The following CEMIP variants were observed in gnomAD, a reference collection of about 807,000 sequenced individuals.
CEMIP encodes cell migration inducing hyaluronidase 1.
Under a neutral mutation model 156.9 loss-of-function variants are expected in CEMIP, and 105 were observed. That is an observed-to-expected ratio of 0.67 (90% confidence interval 0.57 to 0.79). CEMIP has a LOEUF of 0.79. CEMIP is among the 30% of genes least tolerant of loss of function. The pLI, the probability that CEMIP is intolerant of heterozygous loss-of-function variation, is 0.00. For missense variants in CEMIP, 1,457 were observed against 1,769.4 expected, an observed-to-expected ratio of 0.82 and a Z score of 3.17; for synonymous variants, 676 against 668.4, an observed-to-expected ratio of 1.01 and a Z score of -0.17.
At chr15:80,930,592 G>A (rs562975938) in intron 21 of CEMIP, among the ~76,000 whole-genome samples, 5 of 152,190 alleles carry the variant, frequency 3.3e-5, no homozygotes, top group African/African-American at 9.6e-5. Context: ...AATGCATGGA[G>A]CCACCCCTTG....
chr15:80,925,790 G>T (rs776484727), intron 19 of CEMIP, 35 bp downstream of exon 19: 5 of 1,603,698 alleles, frequency 3.1e-6, no homozygotes, highest in African/African-American at 1.3e-5. Context: ...TGGCACAAAG[G>T]GGGCATGGCG....
Position 80,801,976 on chromosome 15 carries a change from C to T in CEMIP, c.-176+22362C>T, listed in dbSNP as rs542569519. On this transcript the variant is annotated intron_variant, in intron 1 of 29. Transcript: ENST00000394685. Reference sequence around the variant, plus strand: ...GATGTATGTATGTTATATGCAAATACTACACTCTTTTATATTAGGGACTTG... The same window carrying T: ...GATGTATGTATGTTATATGCAAATATTACACTCTTTTATATTAGGGACTTG... 3.9e-5 allele frequency among the ~76,000 whole-genome samples: 6 copies of T among 152,288 alleles called. No homozygotes were observed. The South Asian group carries it at 1.2e-3, about 32-fold the overall frequency.
chr15:80,935,237 T>C (rs954782881), intron 23 of CEMIP, among the ~76,000 whole-genome samples: 2 of 152,178 alleles, frequency 1.3e-5, no homozygotes, highest in African/African-American at 4.8e-5. Flanking sequence ...AGGGAGCTGA[T>C]GGAGGACAGT....
At chr15:80,830,120 TCA>T (rs1261125775) in intron 1 of CEMIP, among the ~76,000 whole-genome samples, 1 of 152,192 alleles carries the variant, frequency 6.6e-6, no homozygotes, top group Admixed American at 6.5e-5. Flanking sequence ...ACTCCTTGTC[TCA>T]CAATTCCTCA....
At chr15:80,895,811 C>G in intron 11 of CEMIP, 58 bp from the exon 12 acceptor site, 1 of 1,561,814 alleles carries the variant, frequency 6.4e-7, no homozygotes, top group Non-Finnish European at 8.8e-7. Context: ...AAAGAGGTAG[C>G]CAAAAGTTTG....
intron 1 of CEMIP, among the ~76,000 whole-genome samples, chr15:80,788,476 A>G (rs982168553): frequency 9.2e-5 from 14 of 151,588 alleles, no homozygotes; most frequent in Non-Finnish European, 1.8e-4. Flanking sequence ...CATCTCAAAA[A>G]AAAAAAAAAA....
At chr15:80,839,332 T>TGTGTGTGTG (rs1897338045) in intron 1 of CEMIP, among the ~76,000 whole-genome samples, 2 of 45,894 alleles carry the variant, frequency 4.4e-5, no homozygotes, top group East Asian at 1.1e-3. Flanking sequence ...GTGTGTGTGT[T>TGTGTGTGTG]TAATTTGTGG....
chr15:80,839,818 T>C (rs987266675), intron 1 of CEMIP, among the ~76,000 whole-genome samples: 6 of 152,312 alleles, frequency 3.9e-5, no homozygotes, highest in African/African-American at 7.2e-5. Context: ...TTGTCCAATA[T>C]TCCTTCAGTC....
intron 1 of CEMIP, among the ~76,000 whole-genome samples, chr15:80,870,906 C>G (rs553762633): frequency 6.6e-6 from 1 of 152,172 alleles, no homozygotes; most frequent in Non-Finnish European, 1.5e-5. Context: ...CCTCATGGCT[C>G]GATCTCTGAG....
intron 14 of CEMIP, among the ~76,000 whole-genome samples, chr15:80,911,571 G>T (rs1178653983): frequency 6.6e-6 from 1 of 152,162 alleles, no homozygotes; most frequent in Non-Finnish European, 1.5e-5. Flanking sequence ...GAGTGTGGTT[G>T]TGTGGCTGTG....
intron 1 of CEMIP, among the ~76,000 whole-genome samples, chr15:80,803,092 A>T (rs1423550334): frequency 6.6e-6 from 1 of 152,152 alleles, no homozygotes; most frequent in Non-Finnish European, 1.5e-5. Context: ...CGCTTCTCAG[A>T]GCCCTAAGGA....
At chr15:80,864,121 G>A (rs79837187) in intron 1 of CEMIP, among the ~76,000 whole-genome samples, 3,718 of 152,146 alleles carry the variant, frequency 0.024, 150 homozygotes, top group African/African-American at 0.085. Context: ...CCCTTTATCC[G>A]CCCCTGAATT....
chr15:80,858,058 A>C (rs186050657), intron 1 of CEMIP, among the ~76,000 whole-genome samples: 1 of 152,278 alleles, frequency 6.6e-6, no homozygotes, highest in African/African-American at 2.4e-5. Flanking sequence ...AGGCTGGAGA[A>C]GGGTCAGGCC....
At chr15:80,856,906 C>T (rs150476767) in intron 1 of CEMIP, among the ~76,000 whole-genome samples, 2 of 152,286 alleles carry the variant, frequency 1.3e-5, no homozygotes, top group African/African-American at 4.8e-5. Context: ...GGTAACTGAT[C>T]CCATCACAAT....
Position 80,906,713 on chromosome 15 carries a change from C to T in CEMIP, c.1462C>T (p.Arg488Trp), listed in dbSNP as rs905708409. The change falls in exon 13 of 30, where the codon CGG becomes TGG. Residue 488 changes from arginine (R) to tryptophan (W), a missense_variant. Transcript: ENST00000394685. The surrounding 1 kb of genome is among the most constrained non-coding windows in gnomAD (Gnocchi z 4.3). ...IGEEIDGVDMRAEVGLLSRNI... is the reference protein window; with the variant it reads ...IGEEIDGVDMWAEVGLLSRNI... ...GGAGGAGATAGACGGCGTGGACATG[C>T]GGGCGGAGGTTGGGCTTCTGAGCCG... The T allele has an allele frequency of 4.3e-6, 7 of 1,613,994 alleles. No individual in the cohort carries two copies. The highest frequency in any genetic ancestry group is 5.9e-6 in the Non-Finnish European group (7 of 1,180,024).
intron 14 of CEMIP, among the ~76,000 whole-genome samples, chr15:80,915,874 A>G (rs12594360): frequency 0.73 from 111,363 of 152,084 alleles, 44,055 homozygotes; most frequent in Non-Finnish European, 0.87. Flanking sequence ...ACCCACCACC[A>G]TACTCTATGG....
At chr15:80,792,030 C>T (rs547369769) in intron 1 of CEMIP, among the ~76,000 whole-genome samples, 3 of 152,336 alleles carry the variant, frequency 2.0e-5, no homozygotes, top group African/African-American at 7.2e-5. Flanking sequence ...TGTCATCAGA[C>T]ATTTGGGTGA....
intron 14 of CEMIP, among the ~76,000 whole-genome samples, chr15:80,916,511 T>C (rs532258251): frequency 3.9e-5 from 6 of 152,320 alleles, no homozygotes; most frequent in Non-Finnish European, 8.8e-5. Context: ...TTGGCATACA[T>C]AGGGACTGAA....
At chr15:80,948,036 G>A (rs1039654010) in intron 29 of CEMIP, 4 of 152,744 alleles carry the variant, frequency 2.6e-5, no homozygotes, top group African/African-American at 9.7e-5. Flanking sequence ...AGGACATAAG[G>A]AAAAGAGAAG....
Sources: allele counts gnomAD v4.1 joint callset (sites outside exome capture counted in the v4.1 genomes callset), GRCh38; gene constraint gnomAD v4.1.1; non-coding constraint Gnocchi (gnomAD v3.1); transcripts MANE v1.5; gene names NCBI Gene and HGNC (gene_info 2026-07-23, HGNC 2026-07-21).